FKBP1A: variants seen among roughly 807,000 people sequenced by gnomAD.
The protein encoded by FKBP1A is FKBP prolyl isomerase 1A.
In FKBP1A, 5 loss-of-function variants were observed where a neutral mutation model predicts 14.2. The observed-to-expected ratio is 0.35, with a 90% confidence interval of 0.18 to 0.74. FKBP1A has a LOEUF of 0.74. Among genes scored for constraint, FKBP1A ranks in the 30% least tolerant of loss-of-function variants. FKBP1A has a pLI of 0.56. For synonymous variants in FKBP1A, 42 were observed against 49.1 expected (o/e 0.86, Z 0.60); for missense variants, 53 against 138.8 (o/e 0.38, Z 3.10).
chr20:1,382,255 C>T (rs1212757766), intron 2 of FKBP1A, among the ~76,000 whole-genome samples: 2 of 152,120 alleles, frequency 1.3e-5, no homozygotes, highest in Non-Finnish European at 2.9e-5. Context: ...CAAGTTAGTG[C>T]CATAATTTCC....
intron 3 of FKBP1A, among the ~76,000 whole-genome samples, chr20:1,375,140 C>T (rs1251414599): frequency 6.6e-6 from 1 of 152,208 alleles, no homozygotes; most frequent in East Asian, 1.9e-4. Context: ...GGTGATCCAC[C>T]CATCTTGGCC....
At chr20:1,372,530 C>T (rs1465079702) in intron 3 of FKBP1A, among the ~76,000 whole-genome samples, 1 of 152,162 alleles carries the variant, frequency 6.6e-6, no homozygotes, top group African/African-American at 2.4e-5. Context: ...ATGACTAATG[C>T]TAGGCAGGTA....
At chr20:1,389,831 C>T (rs2089712219) in intron 2 of FKBP1A, among the ~76,000 whole-genome samples, 1 of 152,212 alleles carries the variant, frequency 6.6e-6, no homozygotes, top group African/African-American at 2.4e-5. Context: ...AGGGAGGCGC[C>T]ATGAGAATTC....
rs1488102100 is a variant in FKBP1A, at chr20:1,386,527, T to C, written c.85+6307A>G. Among the ~76,000 whole-genome samples the C allele has an allele frequency of 6.6e-6, 1 of 152,224 alleles. No individual in the cohort carries two copies. The highest frequency in any genetic ancestry group is 2.4e-5 in the African/African-American group (1 of 41,456). ...GATGTTTAACTACACGGATCCTGACTATGATGGGGGCTAAGAAAATAGATG... is the reference window on the plus strand; with the variant it reads ...GATGTTTAACTACACGGATCCTGACCATGATGGGGGCTAAGAAAATAGATG... On this transcript the variant is annotated intron_variant, in intron 2 of 4. Coordinates refer to ENST00000400137, the MANE Select transcript of FKBP1A (RefSeq NM_000801.5). The surrounding 1 kb of genome is among the most constrained non-coding windows in gnomAD (Gnocchi z 4.7).
At chr20:1,387,305 G>A (rs1056824604) in intron 2 of FKBP1A, among the ~76,000 whole-genome samples, 2 of 152,122 alleles carry the variant, frequency 1.3e-5, no homozygotes, top group East Asian at 1.9e-4. Context: ...TAGTGAAACC[G>A]AGAAATGGAT....
rs2089592993 is a variant in FKBP1A, at chr20:1,379,475, TC to T, written c.86-3873del. ...TCTTGGACACTGAGGGGCAAACCTC[TC>T]CCTAGTATCTTAAAACCATAAAAGC... On this transcript the variant is annotated intron_variant, in intron 2 of 4. Transcript: ENST00000400137. This position sits in a 1 kb window ranked among gnomAD's most constrained non-coding sequence, Gnocchi z 4.3. 6.6e-6 allele frequency among the ~76,000 whole-genome samples: 1 copy of T among 152,148 alleles called. No individual in the cohort carries two copies. Among genetic ancestry groups the T allele is most frequent in the African/African-American group, 2.4e-5 (1 of 41,442 alleles).
intron 4 of FKBP1A, chr20:1,371,239 GA>G: frequency 1.0e-6 from 1 of 978,438 alleles, no homozygotes; most frequent in African/African-American, 1.7e-5. Context: ...ACACTTACAT[GA>G]AAAGTTACGT....
At chr20:1,392,229 A>G (rs2089746449) in intron 2 of FKBP1A, among the ~76,000 whole-genome samples, 1 of 152,192 alleles carries the variant, frequency 6.6e-6, no homozygotes, top group Non-Finnish European at 1.5e-5. Context: ...AAAAGACGGA[A>G]GAAGGCCGTG....
chr20:1,390,007 T>C (rs1008053497), intron 2 of FKBP1A, among the ~76,000 whole-genome samples: 1 of 152,200 alleles, frequency 6.6e-6, no homozygotes, highest in Admixed American at 6.5e-5. Context: ...GCCTTGCTCA[T>C]GCTGTGCTCT....
chr20:1,375,217 A>AT, intron 3 of FKBP1A: 1 of 571,484 alleles, frequency 1.7e-6, no homozygotes, highest in Non-Finnish European at 3.1e-6. Context: ...ATGTAGTGGT[A>AT]TTGCAAGTGT....
intron 2 of FKBP1A, chr20:1,377,096 GCATT>G (rs1401101110): frequency 2.6e-5 from 4 of 152,248 alleles, no homozygotes; most frequent in Admixed American, 2.6e-4. Context: ...ATGGTTCTAA[GCATT>G]CATTACTCAG....
Position 1,369,909 on chromosome 20 carries a change from A to G in FKBP1A, c.*200T>C. ...TATAGTTTAGGTAAACACACATACG[A>G]GGAGAAAGGGGAAGAGGAAACAGAG... On this transcript the variant is annotated 3_prime_UTR_variant, in exon 5 of 5. Transcript: ENST00000400137. 9.5e-7 allele frequency: 1 copy of G among 1,048,866 alleles called. No homozygotes were observed. The allele number at this position is 1,048,866 out of a possible 1,614,324, so 65.0% of individuals were successfully genotyped here.
intron 4 of FKBP1A, chr20:1,370,872 C>G: frequency 1.0e-6 from 1 of 985,472 alleles, no homozygotes; most frequent in Non-Finnish European, 1.2e-6. Context: ...TAGGTGCAGA[C>G]CTCTGGGCAG....
intron 4 of FKBP1A, chr20:1,370,407 C>G: frequency 3.1e-6 from 3 of 982,762 alleles, no homozygotes; most frequent in Non-Finnish European, 2.4e-6. Flanking sequence ...ATAGGCATCA[C>G]CTGGGGGCTT....
At chr20:1,388,340 C>T (rs562597475) in intron 2 of FKBP1A, among the ~76,000 whole-genome samples, 1 of 152,294 alleles carries the variant, frequency 6.6e-6, no homozygotes, top group South Asian at 2.1e-4. Context: ...AAGAAAAAAA[C>T]AGCGTAAGGA....
chr20:1,375,627 T>A (rs2122667714), intron 2 of FKBP1A, 24 bp from the exon 3 acceptor site: 8 of 1,503,498 alleles, frequency 5.3e-6, no homozygotes, highest in Non-Finnish European at 7.4e-6. Context: ...GACTGTAACA[T>A]GAGCAGCAGA....
intron 3 of FKBP1A, among the ~76,000 whole-genome samples, chr20:1,374,116 T>G (rs73079666): frequency 0.08 from 12,250 of 152,200 alleles, 587 homozygotes; most frequent in Middle Eastern, 0.15. Context: ...TTCTCCTGGG[T>G]GAGAGGGAAG....
chr20:1,392,806 C>T, intron 2 of FKBP1A, 28 bp downstream of exon 2: 1 of 1,474,582 alleles, frequency 6.8e-7, no homozygotes, highest in Non-Finnish European at 9.0e-7. Context: ...GCGGCCCGGG[C>T]CCCCTCCCCG....
At chr20:1,385,091 A>G (rs1362005389) in intron 2 of FKBP1A, among the ~76,000 whole-genome samples, 1 of 152,058 alleles carries the variant, frequency 6.6e-6, no homozygotes, top group Admixed American at 6.6e-5. Flanking sequence ...GGGGAGGGGG[A>G]GAAAGAAATA....
Sources: gnomAD v4.1 joint callset for allele counts (sites outside exome capture counted in the v4.1 genomes callset) on GRCh38, gnomAD v4.1.1 for gene constraint, Gnocchi (gnomAD v3.1) non-coding constraint, MANE v1.5 for transcripts, NCBI Gene and HGNC (gene_info 2026-07-23, HGNC 2026-07-21) for gene names.